Variants in NRCAM observed in about 807,000 individuals in gnomAD.
NRCAM encodes neuronal cell adhesion molecule.
A neutral mutation model predicts 156.5 loss-of-function variants in NRCAM; 83 were observed. That is an observed-to-expected ratio of 0.53 (90% CI 0.44 to 0.64). The LOEUF (loss-of-function observed/expected upper bound fraction) is 0.64. NRCAM is among the 30% of genes least tolerant of loss of function. The pLI is 0.00. For synonymous variants in NRCAM, 538 were observed against 563.9 expected, an observed-to-expected ratio of 0.95 and a Z score of 0.65; for missense variants, 1,417 against 1,597.3, an observed-to-expected ratio of 0.89 and a Z score of 1.92.
intron 2 of NRCAM, among the ~76,000 whole-genome samples, chr7:108,337,763 G>T (rs868796305): frequency 6.6e-6 from 1 of 151,466 alleles, no homozygotes. Flanking sequence ...TCTGGGAAGC[G>T]GCCTGCCACC....
At chr7:108,246,164 C>T (rs536142984) in intron 3 of NRCAM, among the ~76,000 whole-genome samples, 1 of 152,150 alleles carries the variant, frequency 6.6e-6, no homozygotes, top group Non-Finnish European at 1.5e-5. Flanking sequence ...TTCTTTATCC[C>T]ACCTTCCAAT....
rs2073744740 is a variant in NRCAM, at chr7:108,194,317, A to G, written c.1575T>C (p.Cys525=). 14 of 1,613,522 alleles carry G rather than the reference A, an allele frequency of 8.7e-6. No individual in the cohort carries two copies. The highest frequency in any genetic ancestry group is 1.3e-5 in the African/African-American group (1 of 74,924). Residue 525 remains cysteine (C), a synonymous_variant, in exon 16 of 33, where the codon TGT becomes TGC. Transcript: ENST00000379028. ...CCATCCCTAATTTATTCCTTGCAAC[A>G]CACGTATAAGTTCCTGTACTGTCCT... ...AQKDSTGTYT[C]VARNKLGMAK... is the part of the protein sequence containing the mutation.
chr7:108,266,250 G>A (rs1247550258), intron 3 of NRCAM, among the ~76,000 whole-genome samples: 4 of 152,260 alleles, frequency 2.6e-5, no homozygotes, highest in African/African-American at 7.2e-5. Context: ...AGGTTGGCAT[G>A]GCCTCAACCA....
rs544205972 is a variant in NRCAM at position 108,396,052 on chromosome 7, C to T, written c.-174+3384G>A. ...CAATGTCTCCCCACAGCACTCACCCCTTATCCACAACATGCTATTTCCACT... is the reference window on the plus strand; with the variant it reads ...CAATGTCTCCCCACAGCACTCACCCTTTATCCACAACATGCTATTTCCACT... On this transcript the variant is annotated intron_variant, in intron 2 of 32. Transcript: ENST00000379028. 2.2e-4 allele frequency among the ~76,000 whole-genome samples: 34 copies of T among 152,328 alleles called. 1 individual carries two copies. The South Asian group carries it at 6.6e-3, about 30-fold the overall frequency.
chr7:108,185,895 A>G (rs1459768557), intron 20 of NRCAM, among the ~76,000 whole-genome samples: 1 of 152,222 alleles, frequency 6.6e-6, no homozygotes, highest in Admixed American at 6.5e-5. Context: ...TACAACAAAT[A>G]AACAGACATA....
chr7:108,420,292 C>T (rs1807690990), intron 1 of NRCAM, among the ~76,000 whole-genome samples: 1 of 152,104 alleles, frequency 6.6e-6, no homozygotes, highest in South Asian at 2.1e-4. Context: ...TCCTTGCAGA[C>T]ACTTGATGTC....
chr7:108,338,223 T>C (rs934983479), intron 2 of NRCAM, among the ~76,000 whole-genome samples: 10 of 152,262 alleles, frequency 6.6e-5, no homozygotes, highest in African/African-American at 2.2e-4. Context: ...TCTTTCCTTC[T>C]GACCCATACC....
chr7:108,348,238 G>A (rs2099384110), intron 2 of NRCAM, among the ~76,000 whole-genome samples: 1 of 152,202 alleles, frequency 6.6e-6, no homozygotes, highest in Admixed American at 6.5e-5. Flanking sequence ...GCATGTGTGT[G>A]TGAGTGAGTG....
intron 3 of NRCAM, among the ~76,000 whole-genome samples, chr7:108,307,923 A>G (rs1357346215): frequency 6.6e-6 from 1 of 152,196 alleles, no homozygotes; most frequent in Non-Finnish European, 1.5e-5. Context: ...CTAGGCACAC[A>G]TGTCTACCTT....
At chr7:108,195,895 A>T (rs1587706566) in intron 14 of NRCAM, 23 bp from the exon 15 acceptor site, 1 of 1,390,930 alleles carries the variant, frequency 7.2e-7, no homozygotes, top group East Asian at 2.3e-5. Flanking sequence ...TTAAAAGGTA[A>T]AGTAAATATT....
chr7:108,301,227 G>T (rs879280783), intron 3 of NRCAM, among the ~76,000 whole-genome samples: 5 of 152,206 alleles, frequency 3.3e-5, no homozygotes, highest in Non-Finnish European at 5.9e-5. Context: ...ACCAGGAAAA[G>T]AGTTAAGGAC....
intron 28 of NRCAM, among the ~76,000 whole-genome samples, chr7:108,173,626 T>C (rs2059378663): frequency 6.6e-6 from 1 of 152,180 alleles, no homozygotes; most frequent in Non-Finnish European, 1.5e-5. Context: ...TGCTATACTA[T>C]TAAAATAAAC....
chr7:108,360,830 T>A (rs1194389964), intron 2 of NRCAM, among the ~76,000 whole-genome samples: 3 of 152,154 alleles, frequency 2.0e-5, no homozygotes, highest in Admixed American at 1.3e-4. Context: ...TCAAGCCACA[T>A]ACAAAAACTA....
At chr7:108,202,955 T>G (rs1326383148) in intron 13 of NRCAM, among the ~76,000 whole-genome samples, 6 of 152,030 alleles carry the variant, frequency 3.9e-5, no homozygotes, top group African/African-American at 1.4e-4. Context: ...AGTGTTAGAC[T>G]CTCCTGCAGA....
rs764119266 is a variant in NRCAM, at chr7:108,234,706, A to C, written c.125-18T>G. On this transcript the variant is annotated intron_variant, in intron 5 of 32. Transcript: ENST00000379028. Reference sequence around the variant, plus strand: ...CTGTACCACTTAATTGTAGAAAAAAAAAAATGTAAAAAAACAAATTATTTA... The same window carrying C: ...CTGTACCACTTAATTGTAGAAAAAACAAAATGTAAAAAAACAAATTATTTA... 1.1e-4 allele frequency: 162 copies of C among 1,500,692 alleles called. No homozygotes were observed. The highest frequency in any genetic ancestry group is 1.4e-4 in the Non-Finnish European group (152 of 1,081,090). The allele number at this position is 1,500,692 out of a possible 1,614,324, so 93.0% of individuals were successfully genotyped here.
At chr7:108,323,820 T>C (rs547607002) in intron 2 of NRCAM, among the ~76,000 whole-genome samples, 1 of 152,190 alleles carries the variant, frequency 6.6e-6, no homozygotes, top group Non-Finnish European at 1.5e-5. Context: ...CAATTTTAAG[T>C]ACAATGGTCA....
chr7:108,315,270 T>C (rs1028620214), intron 2 of NRCAM, among the ~76,000 whole-genome samples: 5 of 152,180 alleles, frequency 3.3e-5, no homozygotes, highest in African/African-American at 7.2e-5. Flanking sequence ...ACTCTTTTTT[T>C]TTCTTAATTT....
In NRCAM at chr7:108,348,740, T is replaced by A. The variant is rs1261987137; in HGVS notation, c.-173-36009A>T. Among the ~76,000 whole-genome samples, 8 of 86,306 alleles carry A rather than the reference T, an allele frequency of 9.3e-5. No individual in the cohort carries two copies. In the East Asian group the frequency reaches 2.9e-3, roughly 31 times the overall value. 56.6% of individuals were successfully genotyped at this position (86,306 alleles called of 152,430 possible). A position where few individuals can be genotyped will look rare whatever the true frequency, so the allele number is the denominator to read the frequency against. On this transcript the variant is annotated intron_variant, in intron 2 of 32. Transcript: ENST00000379028. ...ACTAGCCTGGCCAATATGGTGAAAC[T>A]TTATCTCCACTAAAAATACAAAAAA...
chr7:108,176,608 T>C lies in NRCAM; in HGVS notation c.2975-2A>G, dbSNP rs1005873401. On this transcript the variant is annotated splice_acceptor_variant, in intron 26 of 32. Coordinates refer to ENST00000379028, the MANE Select transcript of NRCAM (RefSeq NM_001037132.4). LOFTEE classifies it high-confidence loss of function. ...GGCCTAATTCATGTGTGCTGTTAAC[T>C]GTCAATAAGAAATAATGAACAAGTG... The C allele has an allele frequency of 6.2e-7, 1 of 1,607,454 alleles. No individual in the cohort carries two copies. Among genetic ancestry groups the C allele is most frequent in the Non-Finnish European group, 8.5e-7 (1 of 1,176,744 alleles).
Sources: allele counts gnomAD v4.1 joint callset (sites outside exome capture counted in the v4.1 genomes callset), GRCh38; gene constraint gnomAD v4.1.1; transcripts MANE v1.5; gene names NCBI Gene and HGNC (gene_info 2026-07-23, HGNC 2026-07-21).